Variants in ARHGAP24 observed in about 807,000 individuals in gnomAD.
ARHGAP24 encodes the protein rho GTPase-activating protein 24.
In ARHGAP24, 50 loss-of-function variants were observed where a neutral mutation model predicts 76.4. The observed-to-expected ratio is 0.65, with a 90% confidence interval of 0.52 to 0.83. The LOEUF (loss-of-function observed/expected upper bound fraction) is 0.83. ARHGAP24 is among the 40% of genes least tolerant of loss of function. The probability of loss-of-function intolerance (pLI) is 0.00; values close to 1 mark genes in which losing one functional copy is unlikely to be tolerated. For synonymous variants in ARHGAP24, 345 were observed against 323.3 expected (o/e 1.07, Z -0.72); for missense variants, 930 against 914.2 (o/e 1.02, Z -0.22).
intron 2 of ARHGAP24, among the ~76,000 whole-genome samples, chr4:85,692,048 G>T (rs79384378): frequency 1.3e-5 from 2 of 152,262 alleles, no homozygotes; most frequent in Middle Eastern, 3.4e-3. Flanking sequence ...CTCAGGATTT[G>T]CTTGTCTAAA....
At chr4:85,586,798 T>A (rs1727881131) in intron 2 of ARHGAP24, among the ~76,000 whole-genome samples, 1 of 152,114 alleles carries the variant, frequency 6.6e-6, no homozygotes, top group East Asian at 1.9e-4. Context: ...CTTGAGAGGC[T>A]GAGGCAGGAG....
chr4:85,653,532 G>T (rs1560570754), intron 2 of ARHGAP24, among the ~76,000 whole-genome samples: 2 of 152,114 alleles, frequency 1.3e-5, no homozygotes, highest in East Asian at 3.9e-4. Flanking sequence ...GGAGTGCAGT[G>T]TAGCGATCTC....
rs964165120 is a variant in ARHGAP24, at chr4:85,996,822, G to A, written c.2003+1165G>A. 4.6e-5 allele frequency among the ~76,000 whole-genome samples: 7 copies of A among 152,088 alleles called. No homozygotes were observed. In the East Asian group the frequency reaches 1.3e-3, roughly 29 times the overall value. On this transcript the variant is annotated intron_variant, in intron 9 of 9. Transcript: ENST00000395184. ...CTATGTATTGGAATTCTGAATTACTGCCAATCCATGATGATAAATTAGCAT... is the reference window on the plus strand; with the variant it reads ...CTATGTATTGGAATTCTGAATTACTACCAATCCATGATGATAAATTAGCAT...
intron 3 of ARHGAP24, among the ~76,000 whole-genome samples, chr4:85,838,994 T>C (rs999722612): frequency 6.6e-6 from 1 of 152,246 alleles, no homozygotes; most frequent in African/African-American, 2.4e-5. Context: ...TGCCACAACC[T>C]GAGCATTGTT....
chr4:85,690,652 T>TTA (rs1723617002), intron 2 of ARHGAP24, among the ~76,000 whole-genome samples: 1 of 152,038 alleles, frequency 6.6e-6, no homozygotes, highest in Admixed American at 6.5e-5. Context: ...TAGGTTTAGT[T>TTA]GTAATGTCAT....
chr4:85,579,879 A>G (rs1727537641), intron 2 of ARHGAP24, among the ~76,000 whole-genome samples: 1 of 152,050 alleles, frequency 6.6e-6, no homozygotes, highest in Non-Finnish European at 1.5e-5. Flanking sequence ...GGTTGTTTAC[A>G]CTTTTTGGTT....
At chr4:85,745,579 A>T (rs1359008037) in intron 3 of ARHGAP24, among the ~76,000 whole-genome samples, 1 of 120,322 alleles carries the variant, frequency 8.3e-6, no homozygotes, top group Non-Finnish European at 1.8e-5. Flanking sequence ...TGACAGAGTG[A>T]CACCTTATCT....
intron 3 of ARHGAP24, among the ~76,000 whole-genome samples, chr4:85,912,618 G>A (rs1039489682): frequency 2.0e-4 from 31 of 152,078 alleles, no homozygotes; most frequent in African/African-American, 7.2e-4. Flanking sequence ...CTCTAAAATT[G>A]CTGCTATGTA....
intron 1 of ARHGAP24, among the ~76,000 whole-genome samples, chr4:85,534,054 T>C (rs1725371993): frequency 6.6e-6 from 1 of 152,138 alleles, no homozygotes; most frequent in Admixed American, 6.5e-5. Context: ...ATGAGTAGCA[T>C]AATGATCTGA....
chr4:85,719,721 A>G (rs1724858446), intron 2 of ARHGAP24, among the ~76,000 whole-genome samples: 1 of 152,182 alleles, frequency 6.6e-6, no homozygotes, highest in South Asian at 2.1e-4. Flanking sequence ...TGGCATTGGT[A>G]GTAAATTAGG....
At chr4:85,669,542 A>G (rs1471196573) in intron 2 of ARHGAP24, among the ~76,000 whole-genome samples, 1 of 151,398 alleles carries the variant, frequency 6.6e-6, no homozygotes, top group Non-Finnish European at 1.5e-5. Flanking sequence ...GTATGTAGGT[A>G]TGTAGGTACG....
At chr4:85,594,816 T>C (rs951621581) in intron 2 of ARHGAP24, among the ~76,000 whole-genome samples, 3 of 152,024 alleles carry the variant, frequency 2.0e-5, no homozygotes, top group African/African-American at 7.2e-5. Context: ...AACTAAAATA[T>C]TGTTTAAAAT....
At chr4:85,622,943 T>G (rs1375889551) in intron 2 of ARHGAP24, among the ~76,000 whole-genome samples, 2 of 152,034 alleles carry the variant, frequency 1.3e-5, no homozygotes, top group East Asian at 1.9e-4. Context: ...TTGATGGGGT[T>G]GTTTGTTTTT....
At chr4:85,707,539 A>T (rs998567805) in intron 2 of ARHGAP24, among the ~76,000 whole-genome samples, 1 of 152,230 alleles carries the variant, frequency 6.6e-6, no homozygotes, top group Admixed American at 6.5e-5. Flanking sequence ...CAGACTTTAG[A>T]TCCTCAGAAA....
At chr4:85,670,190 G>T (rs1169015268) in intron 2 of ARHGAP24, among the ~76,000 whole-genome samples, 1 of 152,124 alleles carries the variant, frequency 6.6e-6, no homozygotes, top group Non-Finnish European at 1.5e-5. Flanking sequence ...CACGGTGCCT[G>T]ATGGTGCCAG....
At chr4:85,715,469 A>G (rs1560598506) in intron 2 of ARHGAP24, among the ~76,000 whole-genome samples, 1 of 152,096 alleles carries the variant, frequency 6.6e-6, no homozygotes, top group Non-Finnish European at 1.5e-5. Context: ...GTATTAGCTA[A>G]CAATGATGCC....
chr4:85,669,057 A>G (rs1376231556), intron 2 of ARHGAP24, among the ~76,000 whole-genome samples: 1 of 152,102 alleles, frequency 6.6e-6, no homozygotes, highest in Middle Eastern at 3.2e-3. Flanking sequence ...TTGTTATCGC[A>G]TTACTGAGTG....
At chr4:85,487,782 T>C (rs1210180700) in intron 1 of ARHGAP24, among the ~76,000 whole-genome samples, 10 of 108,408 alleles carry the variant, frequency 9.2e-5, no homozygotes, top group East Asian at 4.6e-4. Flanking sequence ...ATATTTATTA[T>C]ATATTATATA....
chr4:85,600,884 C>A (rs1327320121), intron 2 of ARHGAP24, among the ~76,000 whole-genome samples: 1 of 152,100 alleles, frequency 6.6e-6, no homozygotes, highest in East Asian at 1.9e-4. Flanking sequence ...GCTTTTTGGT[C>A]ATTTTTTATT....
Sources: gnomAD v4.1 joint callset for allele counts (sites outside exome capture counted in the v4.1 genomes callset) on GRCh38, gnomAD v4.1.1 for gene constraint, MANE v1.5 for transcripts, NCBI Gene and HGNC (gene_info 2026-07-23, HGNC 2026-07-21) for gene names.